The following PDCD5 variants were observed in gnomAD, a reference collection of about 807,000 sequenced individuals.
PDCD5 encodes the protein programmed cell death 5.
In PDCD5, 23 loss-of-function variants were observed where a neutral mutation model predicts 21.9. The observed-to-expected ratio is 1.05, with a 90% CI of 0.76 to 1.49. The LOEUF (loss-of-function observed/expected upper bound fraction) is 1.49, where lower values mean the gene tolerates loss of function less well. PDCD5 is among the 40% of genes most tolerant of loss of function. PDCD5 has a pLI of 0.00. For missense variants in PDCD5, 152 were observed against 147.7 expected, an observed-to-expected ratio of 1.03 and a Z score of -0.15; for synonymous variants, 45 against 49.4, an observed-to-expected ratio of 0.91 and a Z score of 0.37.
chr19:32,585,150 AT>A, intron 3 of PDCD5, 139 bp downstream of exon 3: 1 of 701,458 alleles, frequency 1.4e-6, no homozygotes, highest in Non-Finnish European at 2.6e-6. Flanking sequence ...TGTGAAGTTT[AT>A]AAACCTAGAG....
At chr19:32,583,326 T>A (rs1011075632) in intron 2 of PDCD5, among the ~76,000 whole-genome samples, 1 of 152,166 alleles carries the variant, frequency 6.6e-6, no homozygotes, top group Admixed American at 6.5e-5. Context: ...TGCTCTTTGA[T>A]ACCCCAGTGG....
chr19:32,586,900 C>G lies in PDCD5; in HGVS notation c.301C>G (p.Gln101Glu). 1 of 1,611,938 alleles carries G rather than the reference C, an allele frequency of 6.2e-7. No homozygotes were observed. The highest frequency in any genetic ancestry group is 8.5e-7 in the Non-Finnish European group (1 of 1,179,138). The change falls in exon 5 of 6, where the codon CAA becomes GAA. Residue 101 changes from glutamine (Q) to glutamate (E), a missense_variant. Coordinates refer to ENST00000590247, the MANE Select transcript of PDCD5 (RefSeq NM_004708.4). ...GLIEILKKVS[Q>E]QTEKTTTVKF... ...AATAGAAATCCTTAAAAAAGTAAGC[C>G]AACAAACAGAAAAGACAACAACAGT...
intron 2 of PDCD5, 172 bp from the exon 3 acceptor site, chr19:32,584,778 G>T: frequency 1.6e-6 from 1 of 622,838 alleles, no homozygotes; most frequent in South Asian, 1.9e-5. Flanking sequence ...GAGGGCAAAA[G>T]GGGATTCTAC....
At chr19:32,585,761 AC>A (rs1971469566) in intron 3 of PDCD5, 54 bp from the exon 4 acceptor site, 1 of 1,012,568 alleles carries the variant, frequency 9.9e-7, no homozygotes, top group African/African-American at 1.6e-5. Flanking sequence ...TTAAGGTATA[AC>A]ATAAGTGCAT....
chr19:32,586,571 G>C (rs1971478754), intron 4 of PDCD5: 1 of 1,158,038 alleles, frequency 8.6e-7, no homozygotes, highest in African/African-American at 1.6e-5. Flanking sequence ...GTCACACTCA[G>C]CTAGTGATGA....
At chr19:32,581,760 GC>G (rs1324741958) in intron 1 of PDCD5, 1 of 213,980 alleles carries the variant, frequency 4.7e-6, no homozygotes, top group Non-Finnish European at 9.1e-6. Flanking sequence ...AGGAACGCTT[GC>G]CCCGCCGGGA....
intron 1 of PDCD5, 141 bp downstream of exon 1, chr19:32,581,468 C>T (rs1239106027): frequency 2.8e-5 from 13 of 462,248 alleles, no homozygotes; most frequent in Non-Finnish European, 4.6e-5. Flanking sequence ...GCCTCGTGGC[C>T]GGCTCAGAGG....
intron 1 of PDCD5, chr19:32,581,566 T>C: frequency 2.8e-6 from 1 of 357,422 alleles, no homozygotes; most frequent in Non-Finnish European, 5.0e-6. Context: ...CGTTGGGGTG[T>C]GGGGTCCCCT....
chr19:32,586,147 T>C, intron 4 of PDCD5: 1 of 1,482,606 alleles, frequency 6.7e-7, no homozygotes, highest in Non-Finnish European at 8.9e-7. Context: ...CCAATGACTG[T>C]TAGGGTCAGC....
chr19:32,586,789 TTCC>T, intron 4 of PDCD5, 66 bp from the exon 5 acceptor site: 7 of 1,554,858 alleles, frequency 4.5e-6, no homozygotes, highest in Non-Finnish European at 6.1e-6. Context: ...TACAAAGTGA[TTCC>T]ATCTGCAGAG....
At position 32,581,276 on chromosome 19, in the gene PDCD5, G is replaced by A; in HGVS notation, c.15G>A (p.Glu5=). Residue 5 remains glutamate, a synonymous_variant, in exon 1 of 6, where the codon GAG becomes GAA. Transcript: ENST00000590247. The part of the protein sequence containing the change: MADE[E]LEALRRQRLA... ...GACGCCGAGCCATGGCGGACGAGGA[G>A]CTTGAGGCGCTGAGGAGACAGAGGC... The A allele has an allele frequency of 6.5e-7, 1 of 1,528,458 alleles. No homozygotes were observed. The highest frequency in any genetic ancestry group is 1.4e-5 in the African/African-American group (1 of 70,262). The allele number at this position is 1,528,458 out of a possible 1,614,324, so 94.7% of individuals were successfully genotyped here. A position where few individuals can be genotyped will look rare whatever the true frequency, so the allele number is the denominator to read the frequency against.
intron 1 of PDCD5, chr19:32,581,694 C>G (rs1971427721): frequency 4.7e-6 from 1 of 212,606 alleles, no homozygotes; most frequent in East Asian, 1.1e-4. Context: ...CCAAGTTTAG[C>G]CGACAGGTAT....
intron 1 of PDCD5, chr19:32,581,765 G>A (rs1971428689): frequency 9.4e-6 from 2 of 211,692 alleles, no homozygotes; most frequent in South Asian, 1.1e-4. Flanking sequence ...CGCTTGCCCC[G>A]CCGGGATGAC....
At chr19:32,584,040 C>T (rs1241012138) in intron 2 of PDCD5, among the ~76,000 whole-genome samples, 2 of 152,038 alleles carry the variant, frequency 1.3e-5, no homozygotes, top group Non-Finnish European at 2.9e-5. Context: ...CCATGTTGGC[C>T]AGGCTGGTCT....
chr19:32,581,210 C>G lies in PDCD5; in HGVS notation c.-52C>G. Reference sequence around the variant, plus strand: ...TGCGCAGTGGTCAAGGCCGCGCTCGCGCCGAGGGGCTGCGAGAGTGACCGC... The same window carrying G: ...TGCGCAGTGGTCAAGGCCGCGCTCGGGCCGAGGGGCTGCGAGAGTGACCGC... On this transcript the variant is annotated 5_prime_UTR_variant, in exon 1 of 6. Coordinates refer to ENST00000590247, the MANE Select transcript of PDCD5 (RefSeq NM_004708.4). 3.7e-6 allele frequency: 5 copies of G among 1,365,620 alleles called. No homozygotes were observed. Among genetic ancestry groups the G allele is most frequent in the Non-Finnish European group, 4.9e-6 (5 of 1,028,242 alleles). The allele number at this position is 1,365,620 out of a possible 1,614,324, so 84.6% of individuals were successfully genotyped here. A position where few individuals can be genotyped will look rare whatever the true frequency, so the allele number is the denominator to read the frequency against.
At chr19:32,587,131 G>C in intron 5 of PDCD5, 122 bp from the exon 6 acceptor site, 2 of 859,304 alleles carry the variant, frequency 2.3e-6, no homozygotes, top group Non-Finnish European at 3.8e-6. Flanking sequence ...CACCCTTTTA[G>C]TTCACGCTAA....
chr19:32,582,137 CT>C, intron 1 of PDCD5, 57 bp from the exon 2 acceptor site: 4 of 1,287,036 alleles, frequency 3.1e-6, no homozygotes, highest in Non-Finnish European at 4.5e-6. Flanking sequence ...AGAACCGTTC[CT>C]TTTTCCCGCC....
chr19:32,587,193 G>T, intron 5 of PDCD5, 60 bp from the exon 6 acceptor site: 2 of 1,312,902 alleles, frequency 1.5e-6, no homozygotes, highest in South Asian at 1.2e-5. Context: ...ATCTTTTCTC[G>T]GAAAATCTGA....
At chr19:32,585,753 A>T in intron 3 of PDCD5, 63 bp from the exon 4 acceptor site, 1 of 934,198 alleles carries the variant, frequency 1.1e-6, no homozygotes, top group Non-Finnish European at 1.8e-6. Flanking sequence ...GCATAGTTTT[A>T]AGGTATAACA....
Sources: allele counts gnomAD v4.1 joint callset (sites outside exome capture counted in the v4.1 genomes callset), GRCh38; gene constraint gnomAD v4.1.1; transcripts MANE v1.5; gene names NCBI Gene and HGNC (gene_info 2026-07-23, HGNC 2026-07-21).